TEP1: variants seen among roughly 807,000 people sequenced by gnomAD.
TEP1 encodes the protein telomerase protein component 1.
In TEP1, 241 loss-of-function variants were observed where a neutral mutation model predicts 306.3. That is an observed-to-expected ratio of 0.79 (90% CI 0.71 to 0.88). The LOEUF is 0.88. TEP1 is among the 40% of genes least tolerant of loss of function. The pLI is 0.00. For synonymous variants in TEP1, 1,289 were observed against 1,305.5 expected (o/e 0.99, Z 0.27); for missense variants, 3,051 against 3,276.1 (o/e 0.93, Z 1.68).
In TEP1 at chr14:20,369,196, G is replaced by A. The variant is rs181095772; in HGVS notation, c.7656+148C>T. 327 of 800,416 alleles carry A rather than the reference G, an allele frequency of 4.1e-4. No homozygotes were observed. The African/African-American group carries it at 4.6e-3, about 11-fold the overall frequency. The allele number at this position is 800,416 out of a possible 1,614,324, so 49.6% of individuals were successfully genotyped here. On this transcript the variant is annotated intron_variant, in intron 53 of 54. Coordinates refer to ENST00000262715, the MANE Select transcript of TEP1 (RefSeq NM_007110.5). ...CTAATTTTTTGTATTTTTTAGTAGA[G>A]ATGGGGTTTCACCGTGTTAGCCAGG...
At chr14:20,368,976 G>A in intron 53 of TEP1, 74 bp from the exon 54 acceptor site, 1 of 1,041,294 alleles carries the variant, frequency 9.6e-7, no homozygotes, top group Non-Finnish European at 1.5e-6. Flanking sequence ...ACAATGTGCT[G>A]TGTCAGACCT....
rs200449930 is a variant in TEP1, at chr14:20,395,637, G to A, written c.1751-10C>T. Reference sequence around the variant, plus strand: ...GAAGGAAAGGGCAATGCTGTATGATGACAGGTAAATTTCCGAGTTAGGCAG... The same window carrying A: ...GAAGGAAAGGGCAATGCTGTATGATAACAGGTAAATTTCCGAGTTAGGCAG... On this transcript the variant is annotated splice_polypyrimidine_tract_variant and intron_variant, in intron 11 of 54. Transcript: ENST00000262715. The A allele has an allele frequency of 7.2e-5, 114 of 1,588,746 alleles. No homozygotes were observed. In the African/African-American group the frequency reaches 1.1e-3, roughly 16 times the overall value.
chr14:20,383,040 A>C (rs1876733718), intron 27 of TEP1, 134 bp downstream of exon 27: 1 of 1,085,954 alleles, frequency 9.2e-7, no homozygotes, highest in African/African-American at 1.6e-5. Context: ...CTTATTAACA[A>C]CTTCCCATGG....
rs151082585 is a variant in TEP1, at chr14:20,368,547, G to A, written c.7774C>T (p.Arg2592Ter). The A allele has an allele frequency of 4.6e-5, 75 of 1,614,136 alleles. No individual in the cohort carries two copies. The highest frequency in any genetic ancestry group is 1.7e-4 in the Middle Eastern group (1 of 6,060). Reference sequence around the variant, plus strand: ...AGGCAGCTCACTGACCCTTCGCATCGGAACAGGCCCAGCTACGATGGGAAC... The same window carrying A: ...AGGCAGCTCACTGACCCTTCGCATCAGAACAGGCCCAGCTACGATGGGAAC... ...RPSMQLLGLF[R>*]CEGSVSCLEP... The change falls in exon 55 of 55, where the codon CGA becomes TGA. Residue 2592 changes from arginine to a stop codon, truncating the protein, a stop_gained. Transcript: ENST00000262715. LOFTEE classifies it high-confidence loss of function.
Position 20,366,682 on chromosome 14 carries a change from C to T in TEP1, c.*1755G>A, listed in dbSNP as rs1884489808. 6.6e-6 allele frequency: 1 copy of T among 152,148 alleles called. No individual in the cohort carries two copies. The highest frequency in any genetic ancestry group is 1.5e-5 in the Non-Finnish European group (1 of 68,028). 9.4% of individuals were successfully genotyped at this position (152,148 alleles called of 1,614,324 possible). A position where few individuals can be genotyped will look rare whatever the true frequency, so the allele number is the denominator to read the frequency against. ...GTAAAACTCAGTGCCCTTTAACTCC[C>T]CAAGTCTTCAAAACTCATTTCTAGA... On this transcript the variant is annotated 3_prime_UTR_variant, in exon 55 of 55. Transcript: ENST00000262715.
In TEP1 at chr14:20,377,482, C is replaced by T. The variant is rs771754937; in HGVS notation, c.5886G>A (p.Gly1962=). 2 of 1,613,594 alleles carry T rather than the reference C, an allele frequency of 1.2e-6. No homozygotes were observed. The highest frequency in any genetic ancestry group is 1.7e-6 in the Non-Finnish European group (2 of 1,179,772). The stretch of plus-strand genomic sequence containing the variant: ...CCACATCCAGTGCCTGACCCTGAGC[C>T]CCCTGGGAACCTAGAGAATGAGAGA... ...RIYKISSGSQ[G]AQGQALDVAV... The change falls in exon 41 of 55, where the codon GGG becomes GGA. Residue 1962 remains glycine (G), a synonymous_variant. Transcript: ENST00000262715.
chr14:20,368,506 GC>G lies in TEP1; in HGVS notation c.7814del (p.Gly2605AlafsTer20). ...GSVSCLEPWL[G>X]ANSTLQLAVG... ...CGGCAAGCTGCAGGGTGGAGTTAGC[GC>G]CCAGCCAAGGTTCCAGGCAGCTCAC... On this transcript the variant is annotated frameshift_variant, in exon 55 of 55. Coordinates refer to ENST00000262715, the MANE Select transcript of TEP1 (RefSeq NM_007110.5). LOFTEE classifies it high-confidence loss of function. The G allele has an allele frequency of 6.2e-7, 1 of 1,614,166 alleles. No homozygotes were observed. Among genetic ancestry groups the G allele is most frequent in the Non-Finnish European group, 8.5e-7 (1 of 1,180,040 alleles).
chr14:20,381,415 T>C lies in TEP1; in HGVS notation c.4559-14A>G, dbSNP rs372303676. On this transcript the variant is annotated splice_polypyrimidine_tract_variant and intron_variant, in intron 31 of 54. Coordinates refer to ENST00000262715, the MANE Select transcript of TEP1 (RefSeq NM_007110.5). This position sits in a 1 kb window ranked among gnomAD's most constrained non-coding sequence, Gnocchi z 4.0. ...TCCAGAGCTGAGCTGCATGAACAGA[T>C]ATTGAGAAAGGCTCAGCCCTGCATC... 29 of 1,613,860 alleles carry C rather than the reference T, an allele frequency of 1.8e-5. No homozygotes were observed. The highest frequency in any genetic ancestry group is 2.4e-5 in the Non-Finnish European group (28 of 1,180,024).
chr14:20,382,231 T>C lies in TEP1; in HGVS notation c.4266A>G (p.Thr1422=). The C allele has an allele frequency of 6.2e-7, 1 of 1,614,078 alleles. No individual in the cohort carries two copies. Among genetic ancestry groups the C allele is most frequent in the Non-Finnish European group, 8.5e-7 (1 of 1,180,012 alleles). The part of the protein sequence containing the change: ...LPQALTALEV[T]RSGLTVDQLH... The stretch of plus-strand genomic sequence containing the variant: ...CCCACCCCAAGCACTGACCACTCCG[T>C]GTGACTTCTAGGGCAGTCAAGGCCT... Residue 1422 remains threonine, a synonymous_variant, in exon 29 of 55, where the codon ACA becomes ACG. Transcript: ENST00000262715.
rs572507962 is a variant in TEP1, at chr14:20,366,393, C to T, written c.*2044G>A. On this transcript the variant is annotated 3_prime_UTR_variant, in exon 55 of 55. Transcript: ENST00000262715. The stretch of plus-strand genomic sequence containing the variant: ...ACTAGGATGATGCCATGCCATAGTT[C>T]GCTGCAGGATTTCTGGCAAGGATTA... 2.6e-5 allele frequency: 4 copies of T among 152,228 alleles called. No individual in the cohort carries two copies. Among genetic ancestry groups the T allele is most frequent in the South Asian group, 2.1e-4 (1 of 4,822 alleles). 9.4% of individuals were successfully genotyped at this position (152,228 alleles called of 1,614,324 possible).
intron 42 of TEP1, 99 bp from the exon 43 acceptor site, chr14:20,375,967 A>C: frequency 6.8e-7 from 1 of 1,473,590 alleles, no homozygotes. Flanking sequence ...GAGGGGCACA[A>C]GGAAGCACAG....
rs978665315 is a variant in TEP1, at chr14:20,400,901, A to T, written c.1549+83T>A. 6.6e-6 allele frequency: 10 copies of T among 1,523,256 alleles called. No individual in the cohort carries two copies. The African/African-American group carries it at 1.4e-4, about 21-fold the overall frequency. The allele number at this position is 1,523,256 out of a possible 1,614,324, so 94.4% of individuals were successfully genotyped here. ...CAAAGTAATAACTTCATCATTCCAC[A>T]GAAATCTTCTAGTGAGGATCTAAAA... On this transcript the variant is annotated intron_variant, in intron 9 of 54. Transcript: ENST00000262715.
intron 51 of TEP1, 35 bp downstream of exon 51, chr14:20,371,183 A>C: frequency 6.4e-7 from 1 of 1,572,086 alleles, no homozygotes; most frequent in Non-Finnish European, 8.8e-7. Context: ...TCCTAGACGA[A>C]TGTTTGCTTT....
rs986030526 is a variant in TEP1, at chr14:20,378,499, G to C, written c.5389C>G (p.His1797Asp). Residue 1797 changes from histidine to aspartate, a missense_variant, in exon 38 of 55, where the codon CAC becomes GAC. Physicochemically the swap from His to Asp is moderately conservative, Grantham distance 81 (BLOSUM62 -1). Around this residue, in one of 3 missense-constraint regions of TEP1, gnomAD observed 1,540 missense variants for 1,705.9 expected, o/e 0.90. Coordinates refer to ENST00000262715, the MANE Select transcript of TEP1 (RefSeq NM_007110.5). ...DTVRGQLAFQ[H>D]TYPKSLNCVA... ...CAGTTCAGGGACTTGGGGTAGGTGTGCTGGAAGGCCAGCTGCCCACGGACT... is the reference window on the plus strand; with the variant it reads ...CAGTTCAGGGACTTGGGGTAGGTGTCCTGGAAGGCCAGCTGCCCACGGACT... 1.9e-6 allele frequency: 3 copies of C among 1,614,114 alleles called. No individual in the cohort carries two copies. The African/African-American group carries it at 4.0e-5, about 22-fold the overall frequency.
Position 20,375,093 on chromosome 14 carries a change from AAAC to A in TEP1, c.6364-560_6364-558del, listed in dbSNP as rs201946288. ...GCAACAAGAACGAAACTCTGTCTCA[AAAC>A]AAAAAAAAAAAAAAGGACTTAGCAT... On this transcript the variant is annotated intron_variant, in intron 43 of 54. Coordinates refer to ENST00000262715, the MANE Select transcript of TEP1 (RefSeq NM_007110.5). Among the ~76,000 whole-genome samples, 148 of 131,884 alleles carry A rather than the reference AAAC, an allele frequency of 1.1e-3. 1 individual carries two copies. The highest frequency in any genetic ancestry group is 3.9e-3 in the African/African-American group (121 of 30,758). 86.5% of individuals were successfully genotyped at this position (131,884 alleles called of 152,430 possible). A position where few individuals can be genotyped will look rare whatever the true frequency, so the allele number is the denominator to read the frequency against.
At chr14:20,388,103 A>G (rs1399146859) in intron 17 of TEP1, 40 bp from the exon 18 acceptor site, 3 of 1,609,082 alleles carry the variant, frequency 1.9e-6, no homozygotes, top group Middle Eastern at 3.3e-4. Context: ...AGAATACCAC[A>G]GGTCGAAATC....
intron 34 of TEP1, 77 bp from the exon 35 acceptor site, chr14:20,380,130 C>G: frequency 6.3e-7 from 1 of 1,582,208 alleles, no homozygotes; most frequent in Non-Finnish European, 8.6e-7. Flanking sequence ...GCTTCTGTGC[C>G]TGGATCCCTC....
chr14:20,404,793 A>T, intron 4 of TEP1, 21 bp from the exon 5 acceptor site: 2 of 1,581,812 alleles, frequency 1.3e-6, no homozygotes, highest in South Asian at 2.3e-5. Flanking sequence ...GGGTGAGAGG[A>T]CTAGAATCTC....
intron 6 of TEP1, 32 bp from the exon 7 acceptor site, chr14:20,403,480 A>G (rs750713280): frequency 1.1e-5 from 18 of 1,613,500 alleles, no homozygotes; most frequent in Admixed American, 1.7e-5. Flanking sequence ...TTTCAAAAAA[A>G]GGGAACTGGC....
Sources: gnomAD v4.1 joint callset for allele counts (sites outside exome capture counted in the v4.1 genomes callset) on GRCh38, gnomAD v4.1.1 for gene constraint, gnomAD v4.1.1 regional missense constraint, Gnocchi (gnomAD v3.1) non-coding constraint, MANE v1.5 for transcripts, NCBI Gene and HGNC (gene_info 2026-07-23, HGNC 2026-07-21) for gene names.